TOX: variants seen among roughly 807,000 people sequenced by gnomAD.
TOX encodes thymocyte selection associated high mobility group box.
In TOX, 11 loss-of-function variants were observed where a neutral mutation model predicts 53.7. The observed-to-expected ratio is 0.20, with a 90% CI of 0.13 to 0.34. TOX has a LOEUF of 0.34. Ranked by LOEUF, TOX falls within the 10% of genes least tolerant of loss-of-function variation. The probability of loss-of-function intolerance (pLI) is 1.00; values close to 1 mark genes in which losing one functional copy is unlikely to be tolerated. For missense variants in TOX, 570 were observed against 664.6 expected (o/e 0.86, Z 1.56); for synonymous variants, 225 against 245.3 (o/e 0.92, Z 0.77).
chr8:58,990,186 A>G (rs899662707), intron 1 of TOX, among the ~76,000 whole-genome samples: 1 of 152,222 alleles, frequency 6.6e-6, no homozygotes, highest in Non-Finnish European at 1.5e-5. Context: ...TGAGGCACAG[A>G]GCAGGTAAAG....
chr8:58,812,801 C>T (rs1402499065), intron 7 of TOX, among the ~76,000 whole-genome samples: 10 of 152,164 alleles, frequency 6.6e-5, no homozygotes, highest in South Asian at 6.2e-4. Flanking sequence ...TAAAATTTTT[C>T]GAATCAATTA....
chr8:58,954,307 C>T (rs1454534356), intron 2 of TOX, among the ~76,000 whole-genome samples: 1 of 152,140 alleles, frequency 6.6e-6, no homozygotes, highest in Non-Finnish European at 1.5e-5. Context: ...GTCTGCAATG[C>T]AGGGTCAAGA....
At chr8:59,099,636 G>A (rs1480942650) in intron 1 of TOX, among the ~76,000 whole-genome samples, 2 of 152,148 alleles carry the variant, frequency 1.3e-5, no homozygotes, top group African/African-American at 4.8e-5. Context: ...TATTTCAAAG[G>A]AGAAGCAATC....
chr8:58,908,230 A>G (rs973644162), intron 3 of TOX, among the ~76,000 whole-genome samples: 1 of 152,118 alleles, frequency 6.6e-6, no homozygotes, highest in Non-Finnish European at 1.5e-5. Flanking sequence ...TCATCATAGA[A>G]CTGTACAGTA....
chr8:58,866,081 C>T (rs377630946), intron 3 of TOX, among the ~76,000 whole-genome samples: 2 of 152,098 alleles, frequency 1.3e-5, no homozygotes, highest in East Asian at 1.9e-4. Context: ...GTGATCCACC[C>T]GCCTCAGCCT....
At chr8:58,979,636 AT>A (rs575210880) in intron 1 of TOX, among the ~76,000 whole-genome samples, 1 of 152,214 alleles carries the variant, frequency 6.6e-6, no homozygotes, top group South Asian at 2.1e-4. Context: ...CTCCATATTG[AT>A]GATATAAAGG....
At chr8:59,029,869 A>G (rs1246030832) in intron 1 of TOX, among the ~76,000 whole-genome samples, 1 of 152,080 alleles carries the variant, frequency 6.6e-6, no homozygotes, top group African/African-American at 2.4e-5. Context: ...TGTTCAGCCT[A>G]TTTTTCTCAT....
chr8:59,012,914 C>T (rs1813935121), intron 1 of TOX, among the ~76,000 whole-genome samples: 2 of 148,960 alleles, frequency 1.3e-5, no homozygotes, highest in Non-Finnish European at 1.5e-5. Flanking sequence ...CATTTGTTCC[C>T]ATAGGTTAAA....
At chr8:58,964,028 TTACAGTG>T (rs1812847281) in intron 1 of TOX, among the ~76,000 whole-genome samples, 4 of 152,024 alleles carry the variant, frequency 2.6e-5, no homozygotes, top group Admixed American at 6.6e-5. Flanking sequence ...ACTCAAAGTC[TTACAGTG>T]GATTAAGACT....
intron 3 of TOX, among the ~76,000 whole-genome samples, chr8:58,935,904 T>G (rs1812335538): frequency 6.6e-6 from 1 of 152,218 alleles, no homozygotes; most frequent in Admixed American, 6.5e-5. Context: ...TTGTTCATCT[T>G]TAGATCCATA....
chr8:59,045,475 G>T (rs961830578), intron 1 of TOX, among the ~76,000 whole-genome samples: 1 of 152,192 alleles, frequency 6.6e-6, no homozygotes, highest in Non-Finnish European at 1.5e-5. Context: ...AATCATGTTT[G>T]ATGTTTAATA....
intron 3 of TOX, among the ~76,000 whole-genome samples, chr8:58,920,737 G>GAAAAAAAAAAAAAAAAAA (rs1397497086): frequency 8.4e-5 from 4 of 47,738 alleles, no homozygotes; most frequent in Non-Finnish European, 8.6e-5. Flanking sequence ...AAAAAAAAAA[G>GAAAAAAAAAAAAAAAAAA]AAAAAAAAGA....
chr8:58,924,916 C>G (rs1419672392), intron 3 of TOX, among the ~76,000 whole-genome samples: 2 of 152,112 alleles, frequency 1.3e-5, no homozygotes, highest in Non-Finnish European at 2.9e-5. Context: ...TTCATTTTAT[C>G]TTTTTCACAC....
intron 1 of TOX, among the ~76,000 whole-genome samples, chr8:59,015,477 A>G (rs994266962): frequency 1.3e-5 from 2 of 152,246 alleles, no homozygotes; most frequent in South Asian, 4.1e-4. Context: ...TTTGTCAAGA[A>G]TACATTATTG....
intron 1 of TOX, among the ~76,000 whole-genome samples, chr8:59,026,109 C>T (rs1490152399): frequency 1.4e-5 from 2 of 141,146 alleles, no homozygotes; most frequent in Non-Finnish European, 3.1e-5. Flanking sequence ...AGATTTGTTT[C>T]ACTTAATTTT....
chr8:58,821,294 T>C (rs1465592298), intron 6 of TOX, among the ~76,000 whole-genome samples: 1 of 151,850 alleles, frequency 6.6e-6, no homozygotes, highest in Non-Finnish European at 1.5e-5. Flanking sequence ...TGCAAATCTT[T>C]CCCCCCTCCT....
At chr8:58,957,179 G>A in intron 2 of TOX, among the ~76,000 whole-genome samples, 1 of 152,104 alleles carries the variant, frequency 6.6e-6, no homozygotes, top group East Asian at 1.9e-4. Context: ...GCCAGGGTTT[G>A]GAAACACAAA....
At chr8:59,115,575 CTAAT>C (rs1805086833) in intron 1 of TOX, among the ~76,000 whole-genome samples, 1 of 152,140 alleles carries the variant, frequency 6.6e-6, no homozygotes, top group African/African-American at 2.4e-5. Flanking sequence ...TTAAAATAGT[CTAAT>C]TAGATGAAAC....
At chr8:58,975,282 A>C (rs1341930670) in intron 1 of TOX, among the ~76,000 whole-genome samples, 1 of 151,922 alleles carries the variant, frequency 6.6e-6, no homozygotes. Flanking sequence ...AGAGAGAGAG[A>C]GAGAGAGGGG....
Sources: allele counts gnomAD v4.1 joint callset (sites outside exome capture counted in the v4.1 genomes callset), GRCh38; gene constraint gnomAD v4.1.1; transcripts MANE v1.5; gene names NCBI Gene and HGNC (gene_info 2026-07-23, HGNC 2026-07-21).